CAMTA1: variants seen among roughly 807,000 people sequenced by gnomAD.
The protein encoded by CAMTA1 is calmodulin-binding transcription activator 1.
In CAMTA1, 27 loss-of-function variants were observed where a neutral mutation model predicts 170.9. The observed-to-expected ratio is 0.16, with a 90% CI of 0.12 to 0.22. CAMTA1 has a LOEUF of 0.22. CAMTA1 is among the 10% of genes least tolerant of loss of function. The pLI is 1.00. For missense variants in CAMTA1, 1,619 were observed against 2,217.2 expected, an observed-to-expected ratio of 0.73 and a Z score of 5.42; for synonymous variants, 833 against 891.5, an observed-to-expected ratio of 0.93 and a Z score of 1.17.
rs375703583 is a variant in CAMTA1 at position 7,162,839 on chromosome 1, T to C, written c.302+71468T>C. Among the ~76,000 whole-genome samples the C allele has an allele frequency of 5.9e-5, 9 of 152,312 alleles. No homozygotes were observed. The East Asian group carries it at 9.7e-4, about 16-fold the overall frequency. On this transcript the variant is annotated intron_variant, in intron 4 of 22. Coordinates refer to ENST00000303635, the MANE Select transcript of CAMTA1 (RefSeq NM_015215.4). ...GGTATAGACATAGGGGTGGAATTGCTGAGCCATGTGGTGACTCCGTGGCTG... is the reference window on the plus strand; with the variant it reads ...GGTATAGACATAGGGGTGGAATTGCCGAGCCATGTGGTGACTCCGTGGCTG...
At chr1:6,909,701 G>A (rs183375278) in intron 3 of CAMTA1, among the ~76,000 whole-genome samples, 257 of 152,376 alleles carry the variant, frequency 1.7e-3, no homozygotes, top group African/African-American at 5.7e-3. Context: ...CACAGGAGGT[G>A]GCCTGGGTAC....
intron 3 of CAMTA1, among the ~76,000 whole-genome samples, chr1:7,038,362 G>T (rs1166983024): frequency 1.3e-5 from 2 of 152,206 alleles, no homozygotes; most frequent in Non-Finnish European, 2.9e-5. Flanking sequence ...ATGGAATCTT[G>T]TGTAGTGGTT....
At chr1:7,398,177 CTCTCTCTCTCTCT>C (rs1435577284) in intron 5 of CAMTA1, among the ~76,000 whole-genome samples, 18 of 42,166 alleles carry the variant, frequency 4.3e-4, no homozygotes, top group African/African-American at 1.7e-3. Context: ...CTCTCTCTCT[CTCTCTCTCTCTCT>C]CTCTATATAT....
At chr1:7,398,185 CTCTCTCTCTATATATATATATATAT>C (rs1186034265) in intron 5 of CAMTA1, among the ~76,000 whole-genome samples, 2 of 46,542 alleles carry the variant, frequency 4.3e-5, no homozygotes, top group African/African-American at 1.7e-4. Flanking sequence ...CTCTCTCTCT[CTCTCTCTCTATATATATATATATAT>C]ATATATATAT....
intron 6 of CAMTA1, among the ~76,000 whole-genome samples, chr1:7,568,863 TCAA>T (rs1487053792): frequency 1.4e-5 from 2 of 146,218 alleles, no homozygotes; most frequent in Non-Finnish European, 3.0e-5. Context: ...ATCATCATCA[TCAA>T]CATCACCATC....
At chr1:7,599,575 T>C (rs111248202) in intron 6 of CAMTA1, among the ~76,000 whole-genome samples, 3,219 of 152,330 alleles carry the variant, frequency 0.021, 107 homozygotes, top group African/African-American at 0.074. Context: ...CCCATGAGCA[T>C]GGAATGTTCT....
At chr1:6,844,248 A>G (rs976065569) in intron 3 of CAMTA1, among the ~76,000 whole-genome samples, 2 of 152,182 alleles carry the variant, frequency 1.3e-5, no homozygotes, top group African/African-American at 4.8e-5. Flanking sequence ...GGGAGGATAT[A>G]TTAGCAGGGC....
chr1:7,419,344 A>G (rs1459433615), intron 5 of CAMTA1, among the ~76,000 whole-genome samples: 1 of 152,074 alleles, frequency 6.6e-6, no homozygotes, highest in Non-Finnish European at 1.5e-5. Context: ...TTTAGTAGAG[A>G]TAGAGTTTCA....
intron 5 of CAMTA1, among the ~76,000 whole-genome samples, chr1:7,428,474 C>A (rs1477907091): frequency 6.6e-6 from 1 of 152,080 alleles, no homozygotes; most frequent in African/African-American, 2.4e-5. Context: ...CATGACCCTG[C>A]CCTGCTCAGT....
At chr1:7,336,995 G>T (rs1000609812) in intron 5 of CAMTA1, among the ~76,000 whole-genome samples, 1 of 152,344 alleles carries the variant, frequency 6.6e-6, no homozygotes, top group South Asian at 2.1e-4. Flanking sequence ...AGGTCCAGAA[G>T]CCTTTTTGCT....
intron 6 of CAMTA1, among the ~76,000 whole-genome samples, chr1:7,545,574 A>T (rs1049296582): frequency 1.3e-5 from 2 of 152,076 alleles, no homozygotes; most frequent in African/African-American, 4.8e-5. Flanking sequence ...GTTTTGTCTG[A>T]TGTTTTCTTG....
At position 7,534,573 on chromosome 1, in the gene CAMTA1, G is replaced by A. The variant is rs1020925522; in HGVS notation, c.510+66672G>A. ...TACCTGCTCCCCACCTCCCCGGCCA[G>A]CCCACACCCTCTGTCTTTGTCTGGC... On this transcript the variant is annotated intron_variant, in intron 6 of 22. Coordinates refer to ENST00000303635, the MANE Select transcript of CAMTA1 (RefSeq NM_015215.4). This position sits in a 1 kb window ranked among gnomAD's most constrained non-coding sequence, Gnocchi z 5.6. Among the ~76,000 whole-genome samples the A allele has an allele frequency of 1.2e-4, 18 of 152,314 alleles. No individual in the cohort carries two copies. Among genetic ancestry groups the A allele is most frequent in the African/African-American group, 4.1e-4 (17 of 41,580 alleles).
Position 7,325,071 on chromosome 1 carries a change from CAATT to C in CAMTA1, c.438+75449_438+75452del, listed in dbSNP as rs141908745. On this transcript the variant is annotated intron_variant, in intron 5 of 22. Transcript: ENST00000303635. The surrounding 1 kb of genome is among the most constrained non-coding windows in gnomAD (Gnocchi z 5.0). ...ACATCATTATCATTATCATTTTACACAATTAATATTTCCATTCTTCCCTTCAACA... is the reference window on the plus strand; with the variant it reads ...ACATCATTATCATTATCATTTTACACAATATTTCCATTCTTCCCTTCAACA... Among the ~76,000 whole-genome samples, 3,563 of 152,192 alleles carry C rather than the reference CAATT, an allele frequency of 0.023. 130 individuals carry two copies. Among genetic ancestry groups the C allele is most frequent in the African/African-American group, 0.082 (3,387 of 41,506 alleles).
At chr1:7,331,347 C>T (rs1054297965) in intron 5 of CAMTA1, among the ~76,000 whole-genome samples, 1 of 152,224 alleles carries the variant, frequency 6.6e-6, no homozygotes. Context: ...CTGAGGGCAG[C>T]AGCAGCCCTC....
chr1:6,935,700 T>C (rs909790096), intron 3 of CAMTA1, among the ~76,000 whole-genome samples: 2 of 152,256 alleles, frequency 1.3e-5, no homozygotes, highest in African/African-American at 2.4e-5. Flanking sequence ...AAGTAAACTT[T>C]TCCGTGGTTT....
chr1:6,857,931 C>CTAGAA (rs1349253657), intron 3 of CAMTA1, among the ~76,000 whole-genome samples: 1 of 152,294 alleles, frequency 6.6e-6, no homozygotes, highest in Non-Finnish European at 1.5e-5. Context: ...TTTGATGCCA[C>CTAGAA]TAGAATGCAA....
At chr1:6,977,426 C>T (rs987269724) in intron 3 of CAMTA1, among the ~76,000 whole-genome samples, 2 of 152,010 alleles carry the variant, frequency 1.3e-5, no homozygotes, top group Non-Finnish European at 2.9e-5. Context: ...CTGCAACCTC[C>T]ACCTCCCAGG....
intron 3 of CAMTA1, among the ~76,000 whole-genome samples, chr1:6,860,981 T>C (rs1355559143): frequency 6.6e-6 from 1 of 151,262 alleles, no homozygotes; most frequent in African/African-American, 2.4e-5. Flanking sequence ...TTTTTTTTTT[T>C]TGGGTCAGAG....
chr1:7,249,666 T>C lies in CAMTA1; in HGVS notation c.438+40T>C. On this transcript the variant is annotated intron_variant, in intron 5 of 22. Transcript: ENST00000303635. The surrounding 1 kb of genome is among the most constrained non-coding windows in gnomAD (Gnocchi z 4.4). ...AGGTTCCCTTGGTGCACAAATGTCA[T>C]TTGCAGGCTGCAGTGGAGAATGGAA... is the stretch of plus-strand genomic sequence containing the variant. 6.2e-7 allele frequency: 1 copy of C among 1,606,552 alleles called. No individual in the cohort carries two copies. Among genetic ancestry groups the C allele is most frequent in the Non-Finnish European group, 8.5e-7 (1 of 1,175,770 alleles).
Sources: gnomAD v4.1 joint callset for allele counts (sites outside exome capture counted in the v4.1 genomes callset) on GRCh38, gnomAD v4.1.1 for gene constraint, Gnocchi (gnomAD v3.1) non-coding constraint, MANE v1.5 for transcripts, NCBI Gene and HGNC (gene_info 2026-07-23, HGNC 2026-07-21) for gene names.